The following SCHIP1 variants were observed in gnomAD, a reference collection of about 807,000 sequenced individuals.
SCHIP1 encodes the protein schwannomin-interacting protein 1.
A neutral mutation model predicts 29.7 loss-of-function variants in SCHIP1; 8 were observed. The observed-to-expected ratio is 0.27, with a 90% CI of 0.16 to 0.49. SCHIP1 has a LOEUF of 0.49. Ranked by LOEUF, SCHIP1 falls within the 20% of genes least tolerant of loss-of-function variation. SCHIP1 has a pLI of 0.99. For synonymous variants in SCHIP1, 76 were observed against 94.9 expected, an observed-to-expected ratio of 0.80 and a Z score of 1.16; for missense variants, 193 against 294.6, an observed-to-expected ratio of 0.66 and a Z score of 2.52.
At chr3:159,589,669 G>A in the SCHIP1 span, among the ~76,000 whole-genome samples, 39 of 152,278 alleles carry the variant, frequency 2.6e-4, no homozygotes, top group African/African-American at 8.7e-4. Flanking sequence ...TTAACCAAGA[G>A]TATGGATTCT....
the SCHIP1 span, among the ~76,000 whole-genome samples, chr3:159,323,805 A>C: frequency 6.6e-6 from 1 of 152,214 alleles, no homozygotes; most frequent in Non-Finnish European, 1.5e-5. Context: ...TGAAGGCTTC[A>C]GGTATAAAGG....
the SCHIP1 span, among the ~76,000 whole-genome samples, chr3:159,617,517 CAGAT>C: frequency 3.9e-5 from 6 of 152,294 alleles, no homozygotes; most frequent in Non-Finnish European, 7.4e-5. Context: ...TCATCACACT[CAGAT>C]AGACTTTTCA....
chr3:159,324,324 T>C, the SCHIP1 span, among the ~76,000 whole-genome samples: 1 of 152,214 alleles, frequency 6.6e-6, no homozygotes, highest in Non-Finnish European at 1.5e-5. Context: ...TATGTATGTT[T>C]TGACCAATTA....
At chr3:159,460,545 A>T in the SCHIP1 span, among the ~76,000 whole-genome samples, 1 of 152,222 alleles carries the variant, frequency 6.6e-6, no homozygotes, top group Non-Finnish European at 1.5e-5. Flanking sequence ...ATGAGGGCAC[A>T]GAAGGCACAA....
intron 3 of SCHIP1, 195 bp from the exon 5 acceptor site, chr3:159,887,513 G>GTT: frequency 1.6e-6 from 1 of 621,856 alleles, no homozygotes; most frequent in Non-Finnish European, 2.8e-6. Context: ...TGCTCTCTCT[G>GTT]TTTATGCTAA....
At chr3:159,346,084 C>T in the SCHIP1 span, among the ~76,000 whole-genome samples, 1 of 151,602 alleles carries the variant, frequency 6.6e-6, no homozygotes, top group Non-Finnish European at 1.5e-5. Context: ...GTCCCAGCTA[C>T]TTGGGAGGCT....
chr3:159,699,078 G>T, the SCHIP1 span, among the ~76,000 whole-genome samples: 448 of 152,252 alleles, frequency 2.9e-3, 3 homozygotes, highest in Middle Eastern at 0.01. Flanking sequence ...TAATTACCAA[G>T]ATTTTATATA....
chr3:159,838,962 G>A (rs555579212), upstream of SCHIP1, among the ~76,000 whole-genome samples: 12 of 150,950 alleles, frequency 7.9e-5, no homozygotes, highest in African/African-American at 2.9e-4. Flanking sequence ...TGTGGCAACT[G>A]AGGAATATAA....
At chr3:159,437,149 C>A in the SCHIP1 span, among the ~76,000 whole-genome samples, 1 of 152,136 alleles carries the variant, frequency 6.6e-6, no homozygotes, top group Non-Finnish European at 1.5e-5. Flanking sequence ...CTTCCCTTAT[C>A]AAGCCCTTGT....
At chr3:159,693,586 C>T in the SCHIP1 span, among the ~76,000 whole-genome samples, 877 of 152,200 alleles carry the variant, frequency 5.8e-3, 7 homozygotes, top group African/African-American at 0.02. Flanking sequence ...ATCTATAAGA[C>T]GAACTGGAGA....
chr3:159,281,906 G>A, the SCHIP1 span, among the ~76,000 whole-genome samples: 2 of 152,062 alleles, frequency 1.3e-5, no homozygotes, highest in Non-Finnish European at 2.9e-5. Flanking sequence ...ATTCCGAAAT[G>A]TGTATACACT....
At chr3:159,451,405 T>C in the SCHIP1 span, among the ~76,000 whole-genome samples, 2 of 152,246 alleles carry the variant, frequency 1.3e-5, no homozygotes. Flanking sequence ...ATTCATCTAT[T>C]TCTTTTTAAC....
At chr3:159,622,715 G>A in the SCHIP1 span, among the ~76,000 whole-genome samples, 10 of 151,990 alleles carry the variant, frequency 6.6e-5, no homozygotes, top group African/African-American at 1.9e-4. Flanking sequence ...TCAGGAGATC[G>A]AGCCCATCCT....
At chr3:159,374,535 G>A in the SCHIP1 span, among the ~76,000 whole-genome samples, 1 of 152,014 alleles carries the variant, frequency 6.6e-6, no homozygotes, top group Admixed American at 6.6e-5. Context: ...AGCACAGTAA[G>A]GTTATTAGTC....
the SCHIP1 span, among the ~76,000 whole-genome samples, chr3:159,632,637 T>C: frequency 6.6e-6 from 1 of 152,150 alleles, no homozygotes; most frequent in Non-Finnish European, 1.5e-5. Flanking sequence ...CAAATAGTTT[T>C]AGAACTGGGC....
chr3:159,550,625 A>G, the SCHIP1 span, among the ~76,000 whole-genome samples: 3 of 152,144 alleles, frequency 2.0e-5, no homozygotes, highest in Admixed American at 2.0e-4. Flanking sequence ...TTTTAAAATA[A>G]CATAGAGTTA....
the SCHIP1 span, among the ~76,000 whole-genome samples, chr3:159,411,148 A>AG: frequency 6.6e-6 from 1 of 151,868 alleles, no homozygotes; most frequent in Non-Finnish European, 1.5e-5. Flanking sequence ...GTGGTGGGGG[A>AG]GGGGGCACGA....
At chr3:159,485,921 A>C in the SCHIP1 span, among the ~76,000 whole-genome samples, 1 of 152,090 alleles carries the variant, frequency 6.6e-6, no homozygotes, top group Non-Finnish European at 1.5e-5. Context: ...TCCAAACCCC[A>C]CTTACAACCT....
chr3:159,273,868 C>T, the SCHIP1 span: 1 of 1,613,502 alleles, frequency 6.2e-7, no homozygotes. Context: ...GTGACCAGGG[C>T]AAGCACTCTG....
Sources: allele counts gnomAD v4.1 joint callset (sites outside exome capture counted in the v4.1 genomes callset), GRCh38; gene constraint gnomAD v4.1.1; transcripts MANE v1.5; gene names NCBI Gene and HGNC (gene_info 2026-07-23, HGNC 2026-07-21).